The following HEATR4 variants were observed in gnomAD, a reference collection of about 807,000 sequenced individuals.
The protein encoded by HEATR4 is HEAT repeat-containing protein 4.
A neutral mutation model predicts 108.8 loss-of-function variants in HEATR4; 95 were observed. The ratio of observed to expected loss-of-function variants is 0.87; its 90% CI spans 0.74 to 1.04. The LOEUF (loss-of-function observed/expected upper bound fraction) is 1.04, where lower values mean the gene tolerates loss of function less well. Among genes scored for constraint, HEATR4 ranks in the 50% least tolerant of loss-of-function variants. The pLI is 0.00. For synonymous variants in HEATR4, 443 were observed against 459.4 expected, an observed-to-expected ratio of 0.96 and a Z score of 0.46; for missense variants, 1,152 against 1,253.8, an observed-to-expected ratio of 0.92 and a Z score of 1.23.
Position 73,552,147 on chromosome 14 carries a change from G to A in HEATR4, c.-152+6604C>T, listed in dbSNP as rs113912316. Among the ~76,000 whole-genome samples the A allele has an allele frequency of 4.7e-3, 522 of 110,434 alleles. 40 individuals carry two copies. Among genetic ancestry groups the A allele is most frequent in the African/African-American group, 0.012 (398 of 32,038 alleles). 72.4% of individuals were successfully genotyped at this position (110,434 alleles called of 152,430 possible). A position where few individuals can be genotyped will look rare whatever the true frequency, so the allele number is the denominator to read the frequency against. ...TCCACTCTGCTCTGAACTCACCTCC[G>A]TCTCTTTTTCTGCCTTATGCCCCTC... On this transcript the variant is annotated intron_variant, in intron 1 of 17. Transcript: ENST00000553558.
chr14:73,588,418 A>G, the HEATR4 span, among the ~76,000 whole-genome samples: 3 of 151,960 alleles, frequency 2.0e-5, no homozygotes, highest in Non-Finnish European at 4.4e-5. Context: ...CATGTATTAC[A>G]CTTCTTTTAG....
chr14:73,631,147 G>A, the HEATR4 span, among the ~76,000 whole-genome samples: 3 of 152,094 alleles, frequency 2.0e-5, no homozygotes, highest in African/African-American at 7.2e-5. Context: ...TTGAAAATGG[G>A]ATTGTTTCTC....
chr14:73,524,371 G>A (rs748032959), intron 2 of HEATR4, among the ~76,000 whole-genome samples: 59 of 142,350 alleles, frequency 4.1e-4, no homozygotes, highest in African/African-American at 1.5e-3. Context: ...ATAGGTAAAT[G>A]GTTTTGACTC....
In HEATR4 at chr14:73,551,256, C is replaced by T. The variant is rs1302195779; in HGVS notation, c.-152+7495G>A. ...TGAGCCCAATTTTCTAGCCCTTTACCCTCCATGATCCCTTTAAAAACCCTG... is the reference window on the plus strand; with the variant it reads ...TGAGCCCAATTTTCTAGCCCTTTACTCTCCATGATCCCTTTAAAAACCCTG... On this transcript the variant is annotated intron_variant, in intron 1 of 17. Transcript: ENST00000553558. Among the ~76,000 whole-genome samples, 3 of 114,694 alleles carry T rather than the reference C, an allele frequency of 2.6e-5. 1 individual carries two copies. Among genetic ancestry groups the T allele is most frequent in the Non-Finnish European group, 5.7e-5 (3 of 52,622 alleles). 75.2% of individuals were successfully genotyped at this position (114,694 alleles called of 152,430 possible).
rs1460682923 is a variant in HEATR4 at position 73,522,598 on chromosome 14, C to T, written c.555G>A (p.Leu185=). 1 of 1,614,262 alleles carries T rather than the reference C, an allele frequency of 6.2e-7. No individual in the cohort carries two copies. Among genetic ancestry groups the T allele is most frequent in the Non-Finnish European group, 8.5e-7 (1 of 1,180,048 alleles). The change falls in exon 3 of 18, where the codon CTG becomes CTA. Residue 185 remains leucine, a synonymous_variant. Transcript: ENST00000553558. ...LGRPPSLDVN[L]EEREAWLLPP... ...GCAGAAGCCAGGCTTCTCTTTCCTC[C>T]AGGTTCACATCTAGAGAAGGTGGCC... is the stretch of plus-strand genomic sequence containing the variant.
At chr14:73,559,830 A>C (rs1257077999), upstream of HEATR4, among the ~76,000 whole-genome samples, 3 of 152,140 alleles carry the variant, frequency 2.0e-5, no homozygotes, top group Non-Finnish European at 2.9e-5. Context: ...AAAGAGGCAA[A>C]GCAGGGAACA....
At chr14:73,541,508 C>G (rs1333167691) in intron 1 of HEATR4, 2 of 1,244,662 alleles carry the variant, frequency 1.6e-6, no homozygotes, top group African/African-American at 3.3e-5. Flanking sequence ...GGGCCCTTTC[C>G]TGGCATTGTG....
At chr14:73,560,583 A>G (rs576993370), upstream of HEATR4, among the ~76,000 whole-genome samples, 47 of 148,918 alleles carry the variant, frequency 3.2e-4, no homozygotes, top group African/African-American at 1.1e-3. Flanking sequence ...AATGGCATGA[A>G]CCCGGGAGGC....
the HEATR4 span, chr14:73,594,036 A>T: frequency 2.8e-6 from 2 of 715,024 alleles, no homozygotes; most frequent in Middle Eastern, 5.3e-4. Context: ...TCCTTGGCTT[A>T]AGGTGCTATT....
At chr14:73,530,083 G>A (rs1888614133) in intron 2 of HEATR4, 83 bp downstream of exon 2, 1 of 132,414 alleles carries the variant, frequency 7.6e-6, no homozygotes, top group Non-Finnish European at 1.6e-5. Context: ...CTGCCTCAGC[G>A]TCCCCAGTAG....
At chr14:73,558,575 T>G (rs1889445889) in intron 1 of HEATR4, among the ~76,000 whole-genome samples, 176 bp downstream of exon 1, 1 of 148,182 alleles carries the variant, frequency 6.7e-6, no homozygotes, top group African/African-American at 2.5e-5. Context: ...AGGCTGGTCT[T>G]GAACTCCTGG....
At chr14:73,485,959 C>T (rs1420899613) in intron 17 of HEATR4, among the ~76,000 whole-genome samples, 2 of 152,140 alleles carry the variant, frequency 1.3e-5, no homozygotes, top group African/African-American at 4.8e-5. Flanking sequence ...AGCAATCCAC[C>T]TGCCTCAGCC....
the HEATR4 span, among the ~76,000 whole-genome samples, chr14:73,624,132 A>G: frequency 6.4e-3 from 978 of 151,982 alleles, 15 homozygotes; most frequent in African/African-American, 0.023. Context: ...ACAAATATAT[A>G]TATTTTTTGA....
At chr14:73,605,911 G>A in the HEATR4 span, among the ~76,000 whole-genome samples, 2 of 152,072 alleles carry the variant, frequency 1.3e-5, no homozygotes, top group Non-Finnish European at 2.9e-5. Context: ...CTGTTCCTAA[G>A]ATCAGTGCTT....
chr14:73,499,405 G>A (rs1160976895), intron 12 of HEATR4, among the ~76,000 whole-genome samples: 1 of 152,114 alleles, frequency 6.6e-6, no homozygotes, highest in Non-Finnish European at 1.5e-5. Context: ...GCTTGGACCT[G>A]GGAGGCGGAG....
chr14:73,561,102 A>G (rs1889525469), upstream of HEATR4, among the ~76,000 whole-genome samples: 2 of 152,136 alleles, frequency 1.3e-5, no homozygotes, highest in Admixed American at 6.6e-5. Context: ...GTGGTGGCTC[A>G]GGCCTGTAAT....
the HEATR4 span, among the ~76,000 whole-genome samples, chr14:73,578,389 C>A: frequency 6.6e-6 from 1 of 151,696 alleles, no homozygotes; most frequent in South Asian, 2.1e-4. Context: ...GCCACCATGC[C>A]CAGCTAATTT....
At chr14:73,496,127 C>T (rs1044035566) in intron 15 of HEATR4, among the ~76,000 whole-genome samples, 2 of 151,870 alleles carry the variant, frequency 1.3e-5, no homozygotes, top group African/African-American at 4.8e-5. Context: ...GAGACTGTCC[C>T]CCCCTCAAAA....
At chr14:73,508,492 T>C (rs939593935) in intron 8 of HEATR4, among the ~76,000 whole-genome samples, 198 bp from the exon 9 acceptor site, 1 of 152,126 alleles carries the variant, frequency 6.6e-6, no homozygotes, top group Non-Finnish European at 1.5e-5. Context: ...CTAACACCTG[T>C]AGTCCTCACA....
Sources: allele counts gnomAD v4.1 joint callset (sites outside exome capture counted in the v4.1 genomes callset), GRCh38; gene constraint gnomAD v4.1.1; transcripts MANE v1.5; gene names NCBI Gene and HGNC (gene_info 2026-07-23, HGNC 2026-07-21).